Variants in DIP2B observed in about 807,000 individuals in gnomAD.
DIP2B encodes disco-interacting protein 2 homolog B.
In DIP2B, 76 loss-of-function variants were observed where a neutral mutation model predicts 198.0. The observed-to-expected ratio is 0.38, with a 90% confidence interval of 0.32 to 0.46. The LOEUF is 0.46. DIP2B is among the 20% of genes least tolerant of loss of function. DIP2B has a pLI of 0.99. For missense variants in DIP2B, 1,559 were observed against 1,978.4 expected (o/e 0.79, Z 4.02); for synonymous variants, 701 against 739.1 (o/e 0.95, Z 0.84).
chr12:50,508,668 A>ATTGCACAAGCTGT (rs1957988190), intron 1 of DIP2B, among the ~76,000 whole-genome samples: 1 of 151,622 alleles, frequency 6.6e-6, no homozygotes, highest in African/African-American at 2.4e-5. Context: ...TTGTGCTGTC[A>ATTGCACAAGCTGT]TTGCACAAGC....
intron 1 of DIP2B, among the ~76,000 whole-genome samples, chr12:50,586,326 A>C (rs1354619345): frequency 6.6e-6 from 1 of 152,174 alleles, no homozygotes; most frequent in Non-Finnish European, 1.5e-5. Flanking sequence ...TATTTGGAGG[A>C]TGTAGAGAGG....
rs1939872415 is a variant in DIP2B, at chr12:50,723,154, C to G, written c.3167-48C>G. 6 of 1,611,038 alleles carry G rather than the reference C, an allele frequency of 3.7e-6. No homozygotes were observed. In the East Asian group the frequency reaches 1.3e-4, roughly 36 times the overall value. On this transcript the variant is annotated intron_variant, in intron 26 of 37. Coordinates refer to ENST00000301180, the MANE Select transcript of DIP2B (RefSeq NM_173602.3). Reference sequence around the variant, plus strand: ...AAATTTGCCTTTTAGTTTCTCAGTGCTCTTAGGCAGTTCAGTGACTCTCCT... The same window carrying G: ...AAATTTGCCTTTTAGTTTCTCAGTGGTCTTAGGCAGTTCAGTGACTCTCCT...
intron 1 of DIP2B, among the ~76,000 whole-genome samples, chr12:50,510,887 C>T (rs1029886066): frequency 3.3e-5 from 5 of 151,682 alleles, no homozygotes; most frequent in African/African-American, 9.7e-5. Context: ...TCAGGTGATC[C>T]GCCCACCTCG....
intron 23 of DIP2B, among the ~76,000 whole-genome samples, chr12:50,715,551 A>G (rs1159686592): frequency 6.6e-6 from 1 of 152,192 alleles, no homozygotes; most frequent in African/African-American, 2.4e-5. Context: ...AAGTATACTT[A>G]TCCCATCCAG....
chr12:50,640,990 C>A, intron 3 of DIP2B, 138 bp downstream of exon 3: 1 of 1,112,486 alleles, frequency 9.0e-7, no homozygotes, highest in African/African-American at 1.6e-5. Context: ...ATTCACCAAT[C>A]ATTTATTTTG....
At chr12:50,653,003 G>C (rs897351514) in intron 3 of DIP2B, among the ~76,000 whole-genome samples, 2 of 151,722 alleles carry the variant, frequency 1.3e-5, no homozygotes, top group Non-Finnish European at 2.9e-5. Context: ...GAGTGCAGCG[G>C]TGTGATCATA....
intron 1 of DIP2B, among the ~76,000 whole-genome samples, chr12:50,614,764 A>G (rs1162220351): frequency 2.6e-5 from 4 of 152,148 alleles, no homozygotes; most frequent in African/African-American, 9.7e-5. Flanking sequence ...CCAAACACAG[A>G]ATGGTGATGT....
rs766200359 is a variant in DIP2B, at chr12:50,744,707, C to T, written c.4599C>T (p.Ile1533=). The T allele has an allele frequency of 2.7e-5, 44 of 1,614,068 alleles. No homozygotes were observed. Among genetic ancestry groups the T allele is most frequent in the Admixed American group, 1.5e-4 (9 of 59,998 alleles). Residue 1533 remains isoleucine (I), a synonymous_variant, in exon 38 of 38, where the codon ATC becomes ATT. Transcript: ENST00000301180. ...TGGTCCTGGAAGAGCATTACCTCAT[C>T]GTTGGCGTCGTGGTTGTGGTGGACC... ...TNVVLEEHYL[I]VGVVVVVDPG... is the part of the protein sequence containing the mutation.
intron 2 of DIP2B, among the ~76,000 whole-genome samples, chr12:50,636,494 G>A (rs1938162103): frequency 6.6e-6 from 1 of 152,182 alleles, no homozygotes; most frequent in South Asian, 2.1e-4. Context: ...TCCTCTTGGG[G>A]CTTCTTTTTC....
chr12:50,591,853 A>G (rs1023416585), intron 1 of DIP2B, among the ~76,000 whole-genome samples: 9 of 150,526 alleles, frequency 6.0e-5, no homozygotes, highest in African/African-American at 2.0e-4. Context: ...GATATTGTTT[A>G]TTAACTTTTA....
intron 1 of DIP2B, among the ~76,000 whole-genome samples, chr12:50,570,007 T>G (rs1426426320): frequency 6.6e-6 from 1 of 152,240 alleles, no homozygotes; most frequent in East Asian, 1.9e-4. Flanking sequence ...AGTTTGGTTG[T>G]AGAAACTTGT....
In DIP2B at chr12:50,595,802, C is replaced by A. The variant is rs1408249439; in HGVS notation, c.101-30174C>A. Among the ~76,000 whole-genome samples, 4 of 152,100 alleles carry A rather than the reference C, an allele frequency of 2.6e-5. No homozygotes were observed. The East Asian group carries it at 7.7e-4, about 29-fold the overall frequency. On this transcript the variant is annotated intron_variant, in intron 1 of 37. Transcript: ENST00000301180. ...ATAGAAGTAAAATCTCCCATGGACT[C>A]AAGTAAAAATGTATGAGAAAGTAAA...
chr12:50,619,347 C>T (rs975335470), intron 1 of DIP2B, among the ~76,000 whole-genome samples: 2 of 151,836 alleles, frequency 1.3e-5, no homozygotes, highest in Non-Finnish European at 3.0e-5. Flanking sequence ...CAAACATGGC[C>T]ATGCCCATAC....
intron 1 of DIP2B, among the ~76,000 whole-genome samples, chr12:50,508,448 AATG>A (rs1321107970): frequency 6.6e-6 from 1 of 152,180 alleles, no homozygotes; most frequent in African/African-American, 2.4e-5. Context: ...ATATTTGTGT[AATG>A]ATCTTTTTGT....
At chr12:50,699,007 T>C in intron 18 of DIP2B, 59 bp from the exon 19 acceptor site, 1 of 1,590,546 alleles carries the variant, frequency 6.3e-7, no homozygotes, top group Non-Finnish European at 8.6e-7. Context: ...GATGAAGCTG[T>C]TATTTTACAA....
intron 1 of DIP2B, among the ~76,000 whole-genome samples, chr12:50,545,368 TTCCTCTCCCC>T (rs980499442): frequency 7.3e-5 from 9 of 123,142 alleles, no homozygotes; most frequent in Non-Finnish European, 1.3e-4. Flanking sequence ...CTTCCTTTCC[TTCCTCTCCCC>T]TCCTCTCCCC....
chr12:50,612,694 C>A (rs144844886), intron 1 of DIP2B, among the ~76,000 whole-genome samples: 19 of 152,260 alleles, frequency 1.2e-4, no homozygotes, highest in Admixed American at 5.2e-4. Flanking sequence ...CCGCCAAAGT[C>A]TTGGGATTAC....
intron 11 of DIP2B, among the ~76,000 whole-genome samples, 200 bp from the exon 12 acceptor site, chr12:50,686,373 T>C (rs925169936): frequency 6.6e-6 from 1 of 152,184 alleles, no homozygotes; most frequent in African/African-American, 2.4e-5. Context: ...AGGCCTGGAA[T>C]TAGCATGTGG....
intron 15 of DIP2B, among the ~76,000 whole-genome samples, chr12:50,695,598 A>T (rs1939296964): frequency 6.6e-6 from 1 of 152,208 alleles, no homozygotes; most frequent in African/African-American, 2.4e-5. Flanking sequence ...TGGTATTCAC[A>T]GTTTCCTTGG....
Sources: allele counts gnomAD v4.1 joint callset (sites outside exome capture counted in the v4.1 genomes callset), GRCh38; gene constraint gnomAD v4.1.1; transcripts MANE v1.5; gene names NCBI Gene and HGNC (gene_info 2026-07-23, HGNC 2026-07-21).